TCEA1: variants seen among roughly 807,000 people sequenced by gnomAD.
TCEA1 encodes transcription elongation factor A protein 1.
Under a neutral mutation model 43.8 loss-of-function variants are expected in TCEA1, and 21 were observed. The ratio of observed to expected loss-of-function variants is 0.48; its 90% CI spans 0.34 to 0.69. TCEA1 has a LOEUF of 0.69. Ranked by LOEUF, TCEA1 falls within the 30% of genes least tolerant of loss-of-function variation. TCEA1 has a pLI of 0.01. For missense variants in TCEA1, 250 were observed against 365.1 expected (o/e 0.68, Z 2.57); for synonymous variants, 104 against 117.5 (o/e 0.88, Z 0.75).
At chr8:53,970,290 A>G in intron 9 of TCEA1, 102 bp downstream of exon 9, 2 of 808,624 alleles carry the variant, frequency 2.5e-6, no homozygotes, top group Admixed American at 1.8e-5. Context: ...TAGTGTGAGC[A>G]TATCTGTATA....
At chr8:53,981,425 C>T (rs892516234) in intron 7 of TCEA1, among the ~76,000 whole-genome samples, 5 of 152,166 alleles carry the variant, frequency 3.3e-5, no homozygotes, top group African/African-American at 2.4e-5. Flanking sequence ...GAAGCCAATG[C>T]TCATTTACCA....
chr8:53,994,326 T>C (rs933190041), intron 3 of TCEA1, among the ~76,000 whole-genome samples: 3 of 151,940 alleles, frequency 2.0e-5, no homozygotes, highest in East Asian at 1.9e-4. Flanking sequence ...GCCCAGGCAA[T>C]AGAGCCAGAC....
chr8:53,998,573 G>A (rs1804142661), intron 3 of TCEA1, among the ~76,000 whole-genome samples: 1 of 151,996 alleles, frequency 6.6e-6, no homozygotes, highest in South Asian at 2.1e-4. Context: ...TTGGGTTTGT[G>A]CAATTAATGT....
intron 8 of TCEA1, among the ~76,000 whole-genome samples, chr8:53,977,858 T>C (rs188816475): frequency 3.3e-5 from 5 of 152,308 alleles, no homozygotes; most frequent in Admixed American, 3.3e-4. Flanking sequence ...CAGTTAAGCC[T>C]AAAGTACTCA....
chr8:53,991,717 A>AATG (rs1803888140), intron 4 of TCEA1, among the ~76,000 whole-genome samples: 1 of 151,574 alleles, frequency 6.6e-6, no homozygotes, highest in Non-Finnish European at 1.5e-5. Context: ...TAATAATAAT[A>AATG]AAATAATAAA....
At chr8:54,007,136 C>A (rs1024197065) in intron 2 of TCEA1, among the ~76,000 whole-genome samples, 1 of 152,220 alleles carries the variant, frequency 6.6e-6, no homozygotes, top group South Asian at 2.1e-4. Context: ...GCCACCTGGT[C>A]GGCCTAGAGG....
chr8:53,988,810 T>C (rs1332343456), intron 4 of TCEA1, among the ~76,000 whole-genome samples: 4 of 152,218 alleles, frequency 2.6e-5, no homozygotes, highest in Admixed American at 6.5e-5. Flanking sequence ...CTCACAGCTG[T>C]AATCCCAGCA....
chr8:54,000,317 T>C (rs1247406908), intron 2 of TCEA1, among the ~76,000 whole-genome samples: 2 of 152,178 alleles, frequency 1.3e-5, no homozygotes, highest in African/African-American at 4.8e-5. Context: ...ATGCAATCAA[T>C]CTTTCCACAA....
In TCEA1 at chr8:53,994,704, T is replaced by TA. The variant is rs565337039; in HGVS notation, c.233-950dup. On this transcript the variant is annotated intron_variant, in intron 3 of 9. Transcript: ENST00000521604. ...TAACATGGTAAAACCCCGTCTCTAC[T>TA]AAAAAAAATACAAAAAATTAGCCGG... is the stretch of plus-strand genomic sequence containing the variant. 7.3e-5 allele frequency among the ~76,000 whole-genome samples: 11 copies of TA among 150,974 alleles called. No homozygotes were observed. The East Asian group carries it at 7.9e-4, about 11-fold the overall frequency.
At chr8:54,016,302 C>T (rs1804823928) in intron 1 of TCEA1, among the ~76,000 whole-genome samples, 1 of 152,100 alleles carries the variant, frequency 6.6e-6, no homozygotes, top group African/African-American at 2.4e-5. Context: ...CAGTGAAACC[C>T]AGTCTCTACT....
intron 5 of TCEA1, among the ~76,000 whole-genome samples, chr8:53,987,408 TCA>T (rs1803723297): frequency 6.6e-6 from 1 of 152,076 alleles, no homozygotes; most frequent in Non-Finnish European, 1.5e-5. Flanking sequence ...AATCTGCCAA[TCA>T]CATATACAGA....
At chr8:54,000,181 T>C in intron 2 of TCEA1, 131 bp from the exon 3 acceptor site, 2 of 587,528 alleles carry the variant, frequency 3.4e-6, no homozygotes, top group Non-Finnish European at 6.0e-6. Flanking sequence ...TTTTGGATCC[T>C]TATAATAGCA....
intron 7 of TCEA1, among the ~76,000 whole-genome samples, chr8:53,980,436 C>T (rs994637052): frequency 2.0e-5 from 3 of 152,192 alleles, no homozygotes; most frequent in Non-Finnish European, 4.4e-5. Flanking sequence ...AATCTATTGG[C>T]GCTATTTTTC....
chr8:54,010,272 AG>A (rs1367528030), intron 2 of TCEA1, 157 bp downstream of exon 2: 4 of 600,706 alleles, frequency 6.7e-6, no homozygotes, highest in African/African-American at 2.0e-5. Flanking sequence ...GCAACTTAGT[AG>A]ATTATTGATT....
intron 2 of TCEA1, among the ~76,000 whole-genome samples, chr8:54,001,697 G>GTA (rs998714870): frequency 6.6e-4 from 100 of 152,310 alleles, no homozygotes; most frequent in African/African-American, 2.3e-3. Flanking sequence ...GATGAATTGT[G>GTA]TACTGCTGGG....
At position 54,005,672 on chromosome 8, in the gene TCEA1, T is replaced by C. The variant is rs887370010; in HGVS notation, c.126+4758A>G. On this transcript the variant is annotated intron_variant, in intron 2 of 9. Coordinates refer to ENST00000521604, the MANE Select transcript of TCEA1 (RefSeq NM_006756.4). ...CAACTACCAATCCTTATAGGCTGTC[T>C]TTCATTAACAAATTCCCCTTCTCTC... Among the ~76,000 whole-genome samples the C allele has an allele frequency of 2.6e-5, 4 of 152,210 alleles. 1 individual carries two copies. The highest frequency in any genetic ancestry group is 5.9e-5 in the Non-Finnish European group (4 of 68,046).
chr8:53,985,653 G>A (rs1395934792), intron 6 of TCEA1, among the ~76,000 whole-genome samples: 4 of 152,040 alleles, frequency 2.6e-5, no homozygotes, highest in Non-Finnish European at 4.4e-5. Flanking sequence ...TTCCTAATAA[G>A]GCCATTTCCT....
rs1478226326 is a variant in TCEA1 at position 54,022,176 on chromosome 8, C to A, written c.-51G>T. On this transcript the variant is annotated 5_prime_UTR_variant, in exon 1 of 10. Transcript: ENST00000521604. ...CACCCCGCTGGCAAGGGGAAGTGGG[C>A]GAAGCTGGAGCGGAAGACACAGCAG... The A allele has an allele frequency of 1.1e-5, 17 of 1,579,678 alleles. No individual in the cohort carries two copies. Among genetic ancestry groups the A allele is most frequent in the Admixed American group, 1.7e-5 (1 of 59,166 alleles).
intron 2 of TCEA1, among the ~76,000 whole-genome samples, chr8:54,006,492 A>C (rs1400484091): frequency 6.6e-6 from 1 of 152,170 alleles, no homozygotes; most frequent in Non-Finnish European, 1.5e-5. Context: ...AGAAAAAAAA[A>C]ACCTCGAATG....
Sources: gnomAD v4.1 joint callset for allele counts (sites outside exome capture counted in the v4.1 genomes callset) on GRCh38, gnomAD v4.1.1 for gene constraint, MANE v1.5 for transcripts, NCBI Gene and HGNC (gene_info 2026-07-23, HGNC 2026-07-21) for gene names.